Variants in RBFOX1 observed in about 807,000 individuals in gnomAD.
The protein encoded by RBFOX1 is RNA binding fox-1 homolog 1, also known as RNA binding protein fox-1 homolog 1.
A neutral mutation model predicts 57.7 loss-of-function variants in RBFOX1; 8 were observed. The observed-to-expected ratio is 0.14, with a 90% CI of 0.08 to 0.25. The LOEUF (loss-of-function observed/expected upper bound fraction) is 0.25. RBFOX1 is among the 10% of genes least tolerant of loss of function. RBFOX1 has a pLI of 1.00. For missense variants in RBFOX1, 611 were observed against 548.5 expected, an observed-to-expected ratio of 1.11 and a Z score of -1.14; for synonymous variants, 326 against 222.4, an observed-to-expected ratio of 1.47 and a Z score of -4.15.
At chr16:6,942,490 C>G (rs1211697001) in intron 3 of RBFOX1, among the ~76,000 whole-genome samples, 1 of 152,114 alleles carries the variant, frequency 6.6e-6, no homozygotes, top group East Asian at 1.9e-4. Context: ...GACAACATCT[C>G]CATCTCCTGG....
At chr16:5,590,883 C>T (rs2046985064) in intron 2 of RBFOX1, among the ~76,000 whole-genome samples, 1 of 152,134 alleles carries the variant, frequency 6.6e-6, no homozygotes, top group Non-Finnish European at 1.5e-5. Flanking sequence ...GGCTTGCATG[C>T]TGTTTATGTT....
At chr16:6,402,392 A>T (rs1302817888) in intron 2 of RBFOX1, among the ~76,000 whole-genome samples, 1 of 152,236 alleles carries the variant, frequency 6.6e-6, no homozygotes, top group African/African-American at 2.4e-5. Context: ...TTCCAAACAA[A>T]ATAAAAATGA....
At chr16:6,267,636 C>T (rs1229474455) in intron 1 of RBFOX1, among the ~76,000 whole-genome samples, 1 of 152,320 alleles carries the variant, frequency 6.6e-6, no homozygotes, top group South Asian at 2.1e-4. Flanking sequence ...CCCTGAACAT[C>T]AACAAGCTTC....
At chr16:6,092,001 A>G (rs933483951) in intron 1 of RBFOX1, among the ~76,000 whole-genome samples, 2 of 152,026 alleles carry the variant, frequency 1.3e-5, no homozygotes, top group African/African-American at 2.4e-5. Context: ...TCATTCCTCC[A>G]TCTATCTACC....
chr16:7,429,736 G>T (rs1049663485), intron 4 of RBFOX1, among the ~76,000 whole-genome samples: 1 of 152,186 alleles, frequency 6.6e-6, no homozygotes. Context: ...ATTGGGAAAA[G>T]TGCATGGGTA....
chr16:7,688,476 A>T lies in RBFOX1; in HGVS notation c.995+11638A>T, dbSNP rs535134928. On this transcript the variant is annotated intron_variant, in intron 14 of 15. Coordinates refer to ENST00000550418, the MANE Select transcript of RBFOX1 (RefSeq NM_018723.4). The stretch of plus-strand genomic sequence containing the variant: ...TGTTTACGTCCCACCTGCCCGCACC[A>T]AAAGTTTTCTCTGACTTGATATCTA... Among the ~76,000 whole-genome samples the T allele has an allele frequency of 1.2e-4, 19 of 152,124 alleles. No individual in the cohort carries two copies. In the South Asian group the frequency reaches 2.1e-3, roughly 17 times the overall value.
At chr16:7,076,678 C>G (rs1188243024) in intron 4 of RBFOX1, among the ~76,000 whole-genome samples, 1 of 152,128 alleles carries the variant, frequency 6.6e-6, no homozygotes, top group Non-Finnish European at 1.5e-5. Flanking sequence ...GTTAACAACA[C>G]AAAGTGTAAA....
chr16:6,876,999 C>T (rs905232325), intron 3 of RBFOX1, among the ~76,000 whole-genome samples: 1 of 152,076 alleles, frequency 6.6e-6, no homozygotes, highest in Admixed American at 6.6e-5. Flanking sequence ...AGTGGAGCAA[C>T]AAATGCATAC....
chr16:7,227,384 C>G (rs1274919756), intron 4 of RBFOX1, among the ~76,000 whole-genome samples: 6 of 150,864 alleles, frequency 4.0e-5, no homozygotes, highest in South Asian at 2.1e-4. Context: ...CATAATCCTC[C>G]TCTCGTAACC....
intron 4 of RBFOX1, among the ~76,000 whole-genome samples, chr16:7,331,925 T>C (rs531241935): frequency 6.6e-6 from 1 of 152,294 alleles, no homozygotes; most frequent in South Asian, 2.1e-4. Context: ...AGATTTCAAA[T>C]CTGTGCTTGA....
chr16:6,384,499 A>G (rs376139671), intron 2 of RBFOX1, among the ~76,000 whole-genome samples: 1 of 152,126 alleles, frequency 6.6e-6, no homozygotes, highest in South Asian at 2.1e-4. Flanking sequence ...TCTATCTAAC[A>G]TAAGTTGTAC....
At chr16:5,903,739 C>A (rs1356196041) in intron 4 of RBFOX1, among the ~76,000 whole-genome samples, 1 of 152,092 alleles carries the variant, frequency 6.6e-6, no homozygotes, top group Non-Finnish European at 1.5e-5. Flanking sequence ...CTCCTCCCAC[C>A]CCACAAACAC....
chr16:5,319,603 A>T (rs1028377969), intron 1 of RBFOX1, among the ~76,000 whole-genome samples: 1 of 152,138 alleles, frequency 6.6e-6, no homozygotes, highest in Non-Finnish European at 1.5e-5. Flanking sequence ...CTTGTCTTGG[A>T]TGGGTTCCCA....
chr16:6,306,995 A>G (rs1457601215), intron 1 of RBFOX1, among the ~76,000 whole-genome samples: 1 of 152,144 alleles, frequency 6.6e-6, no homozygotes, highest in Non-Finnish European at 1.5e-5. Context: ...CACCACCCAA[A>G]AAGTCAAACT....
chr16:6,834,858 T>C (rs894252032), intron 3 of RBFOX1, among the ~76,000 whole-genome samples: 1 of 151,888 alleles, frequency 6.6e-6, no homozygotes, highest in South Asian at 2.1e-4. Flanking sequence ...CAAGTTCATT[T>C]TGGCCAATTA....
chr16:7,140,157 CCTCTCTCTCTCTCT>C (rs57128710), intron 4 of RBFOX1, among the ~76,000 whole-genome samples: 16 of 70,886 alleles, frequency 2.3e-4, no homozygotes, highest in Admixed American at 6.0e-4. Flanking sequence ...TCCTTCTCTC[CCTCTCTCTCTCTCT>C]CTCTCTCTCT....
At chr16:5,707,084 A>C (rs1043600639) in intron 3 of RBFOX1, among the ~76,000 whole-genome samples, 1 of 152,032 alleles carries the variant, frequency 6.6e-6, no homozygotes, top group Non-Finnish European at 1.5e-5. Context: ...CACATGAGAA[A>C]CACCCAGCCA....
chr16:6,634,392 G>A (rs948686617), intron 2 of RBFOX1, among the ~76,000 whole-genome samples: 4 of 151,824 alleles, frequency 2.6e-5, no homozygotes, highest in African/African-American at 7.3e-5. Context: ...CCAAACCTCC[G>A]TGAGTATGTT....
At chr16:7,181,120 G>C (rs2082610387) in intron 4 of RBFOX1, among the ~76,000 whole-genome samples, 1 of 152,202 alleles carries the variant, frequency 6.6e-6, no homozygotes, top group East Asian at 1.9e-4. Context: ...GGGATTTGGA[G>C]ATAGGCTTTC....
Sources: gnomAD v4.1 joint callset for allele counts (sites outside exome capture counted in the v4.1 genomes callset) on GRCh38, gnomAD v4.1.1 for gene constraint, MANE v1.5 for transcripts, NCBI Gene and HGNC (gene_info 2026-07-23, HGNC 2026-07-21) for gene names.